Variants in TMC3 observed in about 807,000 individuals in gnomAD.
TMC3 encodes the protein transmembrane channel-like protein 3.
Under a neutral mutation model 110.6 loss-of-function variants are expected in TMC3, and 98 were observed. That is an observed-to-expected ratio of 0.89 (90% confidence interval 0.75 to 1.05). The LOEUF (loss-of-function observed/expected upper bound fraction) is 1.05. Among genes scored for constraint, TMC3 ranks in the 50% least tolerant of loss-of-function variants. The pLI, the probability that TMC3 is intolerant of heterozygous loss-of-function variation, is 0.00. For synonymous variants in TMC3, 489 were observed against 513.1 expected, an observed-to-expected ratio of 0.95 and a Z score of 0.63; for missense variants, 1,319 against 1,373.2, an observed-to-expected ratio of 0.96 and a Z score of 0.62.
chr15:81,364,706 A>AT lies in TMC3; in HGVS notation c.313-2406_313-2405insA, dbSNP rs200424321. Among the ~76,000 whole-genome samples, 50 of 127,926 alleles carry AT rather than the reference A, an allele frequency of 3.9e-4. No individual in the cohort carries two copies. The East Asian group carries it at 7.9e-3, about 20-fold the overall frequency. 83.9% of individuals were successfully genotyped at this position (127,926 alleles called of 152,430 possible). ...ATAAAAAAAAACATTATTCCAAAAA[A>AT]AAAAAAATAAAAAATAAAACTGTAA... On this transcript the variant is annotated intron_variant, in intron 3 of 21. Coordinates refer to ENST00000359440, the MANE Select transcript of TMC3 (RefSeq NM_001080532.3).
intron 9 of TMC3, 96 bp from the exon 10 acceptor site, chr15:81,351,937 T>C: frequency 7.1e-7 from 1 of 1,404,310 alleles, no homozygotes; most frequent in Non-Finnish European, 9.7e-7. Context: ...AACACATCCA[T>C]TGCCAAGAGG....
chr15:81,332,458 C>A lies in TMC3; in HGVS notation c.3264G>T (p.Leu1088=). The part of the protein sequence containing the change: ...SRRKAKSGQE[L]TVDLDDLICS... ...AAATCAAGTCATCCAGATCCACGGT[C>A]AGCTCCTGCCCCGACTTGGCCTTCC... The change falls in exon 22 of 22, where the codon CTG becomes CTT. Residue 1088 remains leucine, a synonymous_variant. Coordinates refer to ENST00000359440, the MANE Select transcript of TMC3 (RefSeq NM_001080532.3). 1 of 1,611,614 alleles carries A rather than the reference C, an allele frequency of 6.2e-7. No individual in the cohort carries two copies. The highest frequency in any genetic ancestry group is 1.7e-5 in the Admixed American group (1 of 59,790).
At chr15:81,352,824 T>C (rs1011570094) in intron 9 of TMC3, among the ~76,000 whole-genome samples, 3 of 152,212 alleles carry the variant, frequency 2.0e-5, no homozygotes, top group African/African-American at 7.2e-5. Context: ...GTTTTTTGTT[T>C]GTTTGTTTGT....
intron 17 of TMC3, among the ~76,000 whole-genome samples, chr15:81,338,998 T>C (rs1174336957): frequency 6.6e-6 from 1 of 152,214 alleles, no homozygotes; most frequent in African/African-American, 2.4e-5. Flanking sequence ...AAATATTCCA[T>C]ATTGTATCAA....
intron 1 of TMC3, 62 bp downstream of exon 1, chr15:81,373,927 C>A: frequency 6.8e-7 from 1 of 1,473,682 alleles, no homozygotes; most frequent in South Asian, 1.2e-5. Context: ...CTCTGGTGAC[C>A]CATGCATTCC....
At chr15:81,364,612 G>C (rs1894264628) in intron 3 of TMC3, among the ~76,000 whole-genome samples, 1 of 149,898 alleles carries the variant, frequency 6.7e-6, no homozygotes. Context: ...CAGCGCACCA[G>C]CATGGCACAT....
At position 81,348,479 on chromosome 15, in the gene TMC3, G is replaced by A. The variant is rs562715153; in HGVS notation, c.1193+979C>T. Among the ~76,000 whole-genome samples, 240 of 152,288 alleles carry A rather than the reference G, an allele frequency of 1.6e-3. 1 individual carries two copies. The highest frequency in any genetic ancestry group is 0.01 in the Middle Eastern group (3 of 294). On this transcript the variant is annotated intron_variant, in intron 11 of 21. Transcript: ENST00000359440. ...AATTTTTCAGGAAAATACTGATAAA[G>A]CCAGTGCTCAAAATGAGTGTGGTTG...
chr15:81,366,717 T>C (rs1404180772), intron 3 of TMC3, among the ~76,000 whole-genome samples: 1 of 152,178 alleles, frequency 6.6e-6, no homozygotes, highest in African/African-American at 2.4e-5. Context: ...TCATGGATGA[T>C]TTGGTCATAA....
Position 81,349,547 on chromosome 15 carries a change from G to C in TMC3, c.1104C>G (p.Leu368=). The part of the protein sequence containing the change: ...EKNEVSVVVS[L]VTMIAPSAFD... Reference sequence around the variant, plus strand: ...AGGCTGATGGTGCTATCATGGTGACGAGGGAGACCACCACACTGACCTGCT... The same window carrying C: ...AGGCTGATGGTGCTATCATGGTGACCAGGGAGACCACCACACTGACCTGCT... Residue 368 remains leucine (L), a synonymous_variant, in exon 11 of 22, where the codon CTC becomes CTG. Transcript: ENST00000359440. 3 of 1,546,964 alleles carry C rather than the reference G, an allele frequency of 1.9e-6. No homozygotes were observed. The highest frequency in any genetic ancestry group is 2.6e-6 in the Non-Finnish European group (3 of 1,144,922).
In TMC3 at chr15:81,333,125, G is replaced by A. The variant is rs1277158434; in HGVS notation, c.2597C>T (p.Pro866Leu). 6.2e-7 allele frequency: 1 copy of A among 1,614,058 alleles called. No homozygotes were observed. The highest frequency in any genetic ancestry group is 1.7e-5 in the Admixed American group (1 of 60,026). The change falls in exon 22 of 22, where the codon CCT (proline) becomes CTT (leucine). Residue 866 changes from proline (P) to leucine (L), a missense_variant. Physicochemically the swap from Pro to Leu is moderately conservative, Grantham distance 98 (BLOSUM62 -3). Transcript: ENST00000359440. ...FRKDFQQINP[P>L]HRGPQASTLL... ...AGTCGAGGCCTGTGGTCCACGGTGAGGAGGGTTGATTTGCTGAAAGTCTTT... is the reference window on the plus strand; with the variant it reads ...AGTCGAGGCCTGTGGTCCACGGTGAAGAGGGTTGATTTGCTGAAAGTCTTT...
At chr15:81,372,859 ATG>A (rs1894467435) in intron 1 of TMC3, 122 bp from the exon 2 acceptor site, 1 of 717,960 alleles carries the variant, frequency 1.4e-6, no homozygotes, top group African/African-American at 2.0e-5. Context: ...TGAAATGTGT[ATG>A]TGTTTGTGCG....
At chr15:81,346,485 T>C (rs370546326) in intron 11 of TMC3, 42 bp from the exon 12 acceptor site, 69 of 1,593,138 alleles carry the variant, frequency 4.3e-5, no homozygotes, top group Non-Finnish European at 5.5e-5. Context: ...GACCATGGCA[T>C]AGAAGTCCGT....
intron 16 of TMC3, among the ~76,000 whole-genome samples, chr15:81,340,702 A>G (rs982210917): frequency 3.9e-5 from 6 of 152,180 alleles, no homozygotes; most frequent in Admixed American, 6.5e-5. Context: ...TTTTGGTGCT[A>G]TTTGCTAAAG....
At chr15:81,342,675 G>A (rs1442273691) in intron 15 of TMC3, 1 of 152,190 alleles carries the variant, frequency 6.6e-6, no homozygotes, top group Non-Finnish European at 1.5e-5. Flanking sequence ...CCAAGTTCTT[G>A]TTTTTTGTTC....
intron 3 of TMC3, 123 bp downstream of exon 3, chr15:81,368,130 T>C (rs1894356049): frequency 4.5e-6 from 3 of 670,434 alleles, no homozygotes; most frequent in Non-Finnish European, 7.8e-6. Context: ...AGATGGGGTT[T>C]CACCGTGTTA....
chr15:81,341,569 C>G, intron 15 of TMC3, 51 bp from the exon 16 acceptor site: 1 of 1,573,576 alleles, frequency 6.4e-7, no homozygotes, highest in Non-Finnish European at 8.6e-7. Flanking sequence ...CAGCCTATCT[C>G]CCAGGACTAT....
At chr15:81,371,208 A>G (rs1382637925) in intron 2 of TMC3, among the ~76,000 whole-genome samples, 3 of 152,220 alleles carry the variant, frequency 2.0e-5, no homozygotes, top group Non-Finnish European at 2.9e-5. Context: ...AATGGAAACA[A>G]TAGCAGCTGA....
chr15:81,359,033 G>A (rs1226641463), intron 5 of TMC3, among the ~76,000 whole-genome samples: 1 of 151,862 alleles, frequency 6.6e-6, no homozygotes, highest in African/African-American at 2.4e-5. Flanking sequence ...TTAAGTGGTT[G>A]GGGAAAAAAA....
intron 3 of TMC3, among the ~76,000 whole-genome samples, chr15:81,367,336 C>T (rs924992312): frequency 5.3e-5 from 8 of 151,844 alleles, no homozygotes; most frequent in Admixed American, 3.3e-4. Flanking sequence ...AGAGGCAAGA[C>T]AAAAATGTAT....
Sources: allele counts gnomAD v4.1 joint callset (sites outside exome capture counted in the v4.1 genomes callset), GRCh38; gene constraint gnomAD v4.1.1; transcripts MANE v1.5; gene names NCBI Gene and HGNC (gene_info 2026-07-23, HGNC 2026-07-21).